ELP4: variants seen among roughly 807,000 people sequenced by gnomAD.
The protein encoded by ELP4 is elongator complex protein 4.
A neutral mutation model predicts 48.9 loss-of-function variants in ELP4; 51 were observed. That is an observed-to-expected ratio of 1.04 (90% CI 0.83 to 1.32). ELP4 has a LOEUF of 1.32. Among genes scored for constraint, ELP4 ranks in the 40% most tolerant of loss-of-function variants. The pLI is 0.00. For missense variants in ELP4, 519 were observed against 514.6 expected (o/e 1.01, Z -0.08); for synonymous variants, 210 against 189.2 (o/e 1.11, Z -0.90).
At chr11:31,738,130 T>C (rs910043728) in intron 9 of ELP4, among the ~76,000 whole-genome samples, 4 of 147,420 alleles carry the variant, frequency 2.7e-5, no homozygotes, top group Non-Finnish European at 5.9e-5. Flanking sequence ...GCACGGTGGC[T>C]CAAGCCTGTA....
intron 9 of ELP4, among the ~76,000 whole-genome samples, chr11:31,671,300 A>T (rs1333092691): frequency 6.6e-6 from 1 of 152,226 alleles, no homozygotes; most frequent in African/African-American, 2.4e-5. Context: ...AACTTAAAAG[A>T]TCAATTTTGT....
intron 5 of ELP4, among the ~76,000 whole-genome samples, chr11:31,626,255 A>G (rs981058546): frequency 2.6e-5 from 4 of 151,802 alleles, no homozygotes; most frequent in African/African-American, 9.7e-5. Flanking sequence ...TTGCTTACTT[A>G]GGATCACAGT....
intron 9 of ELP4, among the ~76,000 whole-genome samples, chr11:31,667,097 TAGATA>T (rs1257435594): frequency 6.6e-6 from 1 of 152,190 alleles, no homozygotes; most frequent in Non-Finnish European, 1.5e-5. Context: ...AGACCACATA[TAGATA>T]AGTTTATTAT....
intron 2 of ELP4, among the ~76,000 whole-genome samples, chr11:31,534,352 C>G (rs966983244): frequency 1.1e-4 from 17 of 151,550 alleles, no homozygotes; most frequent in African/African-American, 4.1e-4. Flanking sequence ...TTTCTGAAAA[C>G]TGAAAGAGGG....
At chr11:31,565,219 G>A (rs1176211934) in intron 3 of ELP4, among the ~76,000 whole-genome samples, 2 of 151,908 alleles carry the variant, frequency 1.3e-5, no homozygotes, top group Admixed American at 6.6e-5. Context: ...CTTTTTCATG[G>A]GGTTGTTTTT....
chr11:31,753,590 A>T (rs1195185067), intron 9 of ELP4, among the ~76,000 whole-genome samples: 1 of 152,204 alleles, frequency 6.6e-6, no homozygotes, highest in Non-Finnish European at 1.5e-5. Context: ...AACTTGTAAT[A>T]TGGATACCGT....
intron 9 of ELP4, among the ~76,000 whole-genome samples, chr11:31,765,006 C>G (rs1290996294): frequency 6.6e-6 from 1 of 152,056 alleles, no homozygotes; most frequent in Non-Finnish European, 1.5e-5. Context: ...CTCATATAAC[C>G]GTAATCCCCC....
intron 7 of ELP4, among the ~76,000 whole-genome samples, chr11:31,644,265 G>A (rs1945156599): frequency 6.6e-6 from 1 of 151,800 alleles, no homozygotes; most frequent in African/African-American, 2.4e-5. Flanking sequence ...ACCCAGATTG[G>A]TGAATTCTGA....
At chr11:31,575,123 A>G (rs1957252421) in intron 3 of ELP4, among the ~76,000 whole-genome samples, 1 of 152,250 alleles carries the variant, frequency 6.6e-6, no homozygotes, top group South Asian at 2.1e-4. Context: ...AAACCATGGC[A>G]CGAGAACTAC....
At chr11:31,670,765 T>A (rs1273061059) in intron 9 of ELP4, among the ~76,000 whole-genome samples, 2 of 152,120 alleles carry the variant, frequency 1.3e-5, no homozygotes, top group Non-Finnish European at 2.9e-5. Flanking sequence ...TAACCATTTT[T>A]ATATTTTTTA....
rs1944877453 is a variant in ELP4 at position 31,632,290 on chromosome 11, G to C, written c.812G>C (p.Cys271Ser). 1.2e-6 allele frequency: 2 copies of C among 1,612,778 alleles called. No individual in the cohort carries two copies. The highest frequency in any genetic ancestry group is 1.3e-5 in the African/African-American group (1 of 74,834). The change falls in exon 7 of 10, where the codon TGT becomes TCT. Residue 271 changes from cysteine (C) to serine (S), a missense_variant. By Grantham distance (112) the Cys-to-Ser change is moderately radical (BLOSUM62 -1). Transcript: ENST00000640961. ...GSPLWGDDIC[C>S]AENGGNSHSL... ...CCTTTATGGGGAGACGATATTTGCT[G>C]TGCAGAAAATGGTGGCAACAGTCAC...
intron 9 of ELP4, among the ~76,000 whole-genome samples, chr11:31,677,735 A>C (rs1365104996): frequency 6.6e-6 from 1 of 152,198 alleles, no homozygotes; most frequent in Admixed American, 6.5e-5. Context: ...AGAAAAATTG[A>C]AAAGAAAATA....
intron 3 of ELP4, among the ~76,000 whole-genome samples, chr11:31,583,152 C>G (rs949702718): frequency 1.3e-5 from 2 of 151,988 alleles, no homozygotes; most frequent in Non-Finnish European, 2.9e-5. Context: ...ATTTTTCAAC[C>G]AACCCTTCTG....
At chr11:31,711,622 G>T (rs550682910) in intron 9 of ELP4, among the ~76,000 whole-genome samples, 2 of 151,988 alleles carry the variant, frequency 1.3e-5, no homozygotes, top group South Asian at 2.1e-4. Context: ...TCTTTTATGT[G>T]TATAGATTTA....
Position 31,785,215 on chromosome 11 carries a change from A to G in ELP4, c.*1691A>G, listed in dbSNP as rs1269617494. ...AAGCTCTGCTATGTCCTTTGAAAGCATTATGAACATTCTGAATAAATTCAA... is the reference window on the plus strand; with the variant it reads ...AAGCTCTGCTATGTCCTTTGAAAGCGTTATGAACATTCTGAATAAATTCAA... On this transcript the variant is annotated 3_prime_UTR_variant, in exon 10 of 10. Transcript: ENST00000640961. 5.5e-6 allele frequency: 1 copy of G among 183,364 alleles called. No homozygotes were observed. Among genetic ancestry groups the G allele is most frequent in the Non-Finnish European group, 1.2e-5 (1 of 86,242 alleles). The allele number at this position is 183,364 out of a possible 1,614,324, so 11.4% of individuals were successfully genotyped here.
chr11:31,780,330 G>T (rs572386028), intron 9 of ELP4, among the ~76,000 whole-genome samples: 1 of 152,054 alleles, frequency 6.6e-6, no homozygotes, highest in African/African-American at 2.4e-5. Flanking sequence ...GTTTCACATC[G>T]CACTGACATG....
chr11:31,707,234 T>G, intron 9 of ELP4: 1 of 371,118 alleles, frequency 2.7e-6, no homozygotes, highest in African/African-American at 2.1e-5. Flanking sequence ...CAGATATATA[T>G]AATTTCATGT....
intron 5 of ELP4, among the ~76,000 whole-genome samples, chr11:31,615,938 G>A (rs1477635061): frequency 1.3e-5 from 2 of 152,004 alleles, no homozygotes; most frequent in African/African-American, 4.8e-5. Flanking sequence ...AAGTTAATGA[G>A]AACTGATTTT....
At chr11:31,688,044 G>A (rs1034581098) in intron 9 of ELP4, among the ~76,000 whole-genome samples, 9 of 152,112 alleles carry the variant, frequency 5.9e-5, no homozygotes, top group African/African-American at 2.2e-4. Context: ...TTTAAATGAG[G>A]CCATCTGTTA....
Sources: gnomAD v4.1 joint callset for allele counts (sites outside exome capture counted in the v4.1 genomes callset) on GRCh38, gnomAD v4.1.1 for gene constraint, MANE v1.5 for transcripts, NCBI Gene and HGNC (gene_info 2026-07-23, HGNC 2026-07-21) for gene names.